The following FBXO28 variants were observed in gnomAD, a reference collection of about 807,000 sequenced individuals.
FBXO28 encodes the protein F-box protein 28.
Under a neutral mutation model 38.1 loss-of-function variants are expected in FBXO28, and 8 were observed. That is an observed-to-expected ratio of 0.21 (90% CI 0.12 to 0.38). The LOEUF is 0.38. FBXO28 is among the 10% of genes least tolerant of loss of function. The probability of loss-of-function intolerance (pLI) is 1.00; values close to 1 mark genes in which losing one functional copy is unlikely to be tolerated. For synonymous variants in FBXO28, 168 were observed against 173.8 expected (o/e 0.97, Z 0.26); for missense variants, 345 against 460.6 (o/e 0.75, Z 2.30).
At chr1:224,148,710 G>A (rs1470540173) in intron 3 of FBXO28, among the ~76,000 whole-genome samples, 1 of 151,880 alleles carries the variant, frequency 6.6e-6, no homozygotes, top group Non-Finnish European at 1.5e-5. Context: ...TAAATGCTTG[G>A]TACATGATAG....
intron 1 of FBXO28, among the ~76,000 whole-genome samples, chr1:224,116,396 C>G (rs1656644476): frequency 6.6e-6 from 1 of 152,036 alleles, no homozygotes. Context: ...CTGTACATGC[C>G]TTCTTAAGTA....
chr1:224,152,999 C>T (rs1657683315), intron 3 of FBXO28, 143 bp from the exon 4 acceptor site: 1 of 458,910 alleles, frequency 2.2e-6, no homozygotes, highest in Non-Finnish European at 3.8e-6. Context: ...TAGCAATATT[C>T]ATCAGTGGCC....
In FBXO28 at chr1:224,143,218, CAAAAAAAA is replaced by C. The variant is rs1161345004; in HGVS notation, c.516+9016_516+9023del. ...TGGGTGACAGAGTGAGACTCTGTCT[CAAAAAAAA>C]AAAAAAAAAGAGAAGGAGAAAAAAA... On this transcript the variant is annotated intron_variant, in intron 3 of 4. Coordinates refer to ENST00000366862, the MANE Select transcript of FBXO28 (RefSeq NM_015176.4). Among the ~76,000 whole-genome samples, 430 of 63,398 alleles carry C rather than the reference CAAAAAAAA, an allele frequency of 6.8e-3. 4 individuals are homozygous for C. Among genetic ancestry groups the C allele is most frequent in the African/African-American group, 0.021 (400 of 18,730 alleles). The allele number at this position is 63,398 out of a possible 152,430, so 41.6% of individuals were successfully genotyped here. A position where few individuals can be genotyped will look rare whatever the true frequency, so the allele number is the denominator to read the frequency against.
chr1:224,147,252 A>G (rs4653990), intron 3 of FBXO28, among the ~76,000 whole-genome samples: 139,815 of 151,062 alleles, frequency 0.93, 65,577 homozygotes, highest in Non-Finnish European at 1. Context: ...GTGAACCCGC[A>G]TCTCTACTAA....
rs182072770 is a variant in FBXO28, at chr1:224,117,135, G to A, written c.267+2739G>A. ...TTGCACAACGTGAGCCGAGATCGCC[G>A]TCTCAAAAATAAAAATAAAAATAAA... On this transcript the variant is annotated intron_variant, in intron 1 of 4. Coordinates refer to ENST00000366862, the MANE Select transcript of FBXO28 (RefSeq NM_015176.4). Among the ~76,000 whole-genome samples the A allele has an allele frequency of 1.2e-3, 176 of 150,650 alleles. 1 individual carries two copies. Among genetic ancestry groups the A allele is most frequent in the Admixed American group, 7.6e-3 (115 of 15,082 alleles).
At chr1:224,156,477 G>A (rs1187486785) in intron 4 of FBXO28, among the ~76,000 whole-genome samples, 1 of 152,034 alleles carries the variant, frequency 6.6e-6, no homozygotes, top group Non-Finnish European at 1.5e-5. Context: ...TTCAGATTTC[G>A]GCTTTTTTTC....
intron 3 of FBXO28, among the ~76,000 whole-genome samples, chr1:224,150,330 T>C (rs971006026): frequency 1.3e-5 from 2 of 152,150 alleles, no homozygotes; most frequent in Non-Finnish European, 1.5e-5. Context: ...GAAAAAATTA[T>C]GGAGTACTGT....
chr1:224,152,676 A>G (rs1657674487), intron 3 of FBXO28, among the ~76,000 whole-genome samples: 2 of 152,142 alleles, frequency 1.3e-5, no homozygotes, highest in Non-Finnish European at 2.9e-5. Context: ...CACACCTGTA[A>G]TCTTTGCACT....
chr1:224,116,737 T>C (rs2102606441), intron 1 of FBXO28, among the ~76,000 whole-genome samples: 1 of 152,372 alleles, frequency 6.6e-6, no homozygotes, highest in Admixed American at 6.5e-5. Flanking sequence ...CTTACTACTC[T>C]GCATTTTCTT....
Position 224,114,382 on chromosome 1 carries a change from A to C in FBXO28, c.253A>C (p.Ser85Arg). Residue 85 changes from serine to arginine, a missense_variant, in exon 1 of 5, where the codon AGC (serine) becomes CGC (arginine). By Grantham distance (110) the Ser-to-Arg change is moderately radical (BLOSUM62 -1). Around this residue, in one of 6 missense-constraint regions of FBXO28, gnomAD observed 56 missense variants for 99.8 expected, o/e 0.56. Coordinates refer to ENST00000366862, the MANE Select transcript of FBXO28 (RefSeq NM_015176.4). Reference protein sequence around the residue: ...ILSFMSYDEISQLRLVCKRMD... With the variant: ...ILSFMSYDEIRQLRLVCKRMD... ...CAGCTTTATGTCCTACGACGAAATT[A>C]GCCAGCTCCGCCTGGTGAGGCCCCC... 6.3e-7 allele frequency: 1 copy of C among 1,587,108 alleles called. No individual in the cohort carries two copies. The highest frequency in any genetic ancestry group is 8.6e-7 in the Non-Finnish European group (1 of 1,165,054).
intron 3 of FBXO28, among the ~76,000 whole-genome samples, chr1:224,135,753 G>A (rs1572014696): frequency 6.6e-6 from 1 of 152,036 alleles, no homozygotes; most frequent in South Asian, 2.1e-4. Context: ...AACAAATAAT[G>A]TTGCCAGGTG....
intron 4 of FBXO28, among the ~76,000 whole-genome samples, chr1:224,153,922 A>G (rs1254956577): frequency 1.4e-5 from 1 of 70,974 alleles, no homozygotes; most frequent in Non-Finnish European, 2.9e-5. Flanking sequence ...ACTCCATCTC[A>G]AAAAAAAAAA....
At chr1:224,128,333 C>T (rs1464924596) in intron 1 of FBXO28, among the ~76,000 whole-genome samples, 1 of 151,202 alleles carries the variant, frequency 6.6e-6, no homozygotes, top group East Asian at 1.9e-4. Context: ...AGGTTGATGA[C>T]TCAGTTGCTG....
intron 2 of FBXO28, chr1:224,131,109 ACTT>A (rs1657027332): frequency 6.6e-6 from 1 of 152,290 alleles, no homozygotes; most frequent in Non-Finnish European, 1.5e-5. Context: ...ATTAAAGAAG[ACTT>A]AAATAAGTGG....
intron 3 of FBXO28, chr1:224,134,414 C>T (rs1458747263): frequency 4.4e-5 from 20 of 453,756 alleles, no homozygotes; most frequent in Non-Finnish European, 6.1e-5. Flanking sequence ...ATGAAATAGT[C>T]GAAACCCTAA....
chr1:224,123,523 A>G (rs1656828817), intron 1 of FBXO28, among the ~76,000 whole-genome samples: 1 of 151,734 alleles, frequency 6.6e-6, no homozygotes, highest in Non-Finnish European at 1.5e-5. Context: ...CATATTTAAC[A>G]TTTTTGAAAT....
intron 3 of FBXO28, among the ~76,000 whole-genome samples, chr1:224,140,997 A>G (rs1657332873): frequency 1.4e-5 from 2 of 143,282 alleles, no homozygotes; most frequent in African/African-American, 4.9e-5. Context: ...AGCCTGGCCA[A>G]CATGGTGAAA....
rs1657900405 is a variant in FBXO28, at chr1:224,161,232, T to C, written c.*3486T>C. On this transcript the variant is annotated 3_prime_UTR_variant, in exon 5 of 5. Transcript: ENST00000366862. Reference sequence around the variant, plus strand: ...CTCCCTATATTGTCTATTTCCAACATTATATAATTTTAATTTAATGTAATG... The same window carrying C: ...CTCCCTATATTGTCTATTTCCAACACTATATAATTTTAATTTAATGTAATG... 6.6e-6 allele frequency: 1 copy of C among 151,844 alleles called. No homozygotes were observed. Among genetic ancestry groups the C allele is most frequent in the Admixed American group, 6.6e-5 (1 of 15,236 alleles). The allele number at this position is 151,844 out of a possible 1,614,324, so 9.4% of individuals were successfully genotyped here.
chr1:224,127,630 C>G (rs942624949), intron 1 of FBXO28, among the ~76,000 whole-genome samples: 1 of 151,926 alleles, frequency 6.6e-6, no homozygotes, highest in African/African-American at 2.4e-5. Context: ...TATTATTGGC[C>G]AAGCAGGGTG....
Sources: gnomAD v4.1 joint callset for allele counts (sites outside exome capture counted in the v4.1 genomes callset) on GRCh38, gnomAD v4.1.1 for gene constraint, gnomAD v4.1.1 regional missense constraint, MANE v1.5 for transcripts, NCBI Gene and HGNC (gene_info 2026-07-23, HGNC 2026-07-21) for gene names.